Variants in BAZ2B observed in about 807,000 individuals in gnomAD.
BAZ2B encodes bromodomain adjacent to zinc finger domain 2B.
Under a neutral mutation model 246.0 loss-of-function variants are expected in BAZ2B, and 91 were observed. The observed-to-expected ratio is 0.37, with a 90% CI of 0.31 to 0.44. The LOEUF (loss-of-function observed/expected upper bound fraction) is 0.44. Ranked by LOEUF, BAZ2B falls within the 20% of genes least tolerant of loss-of-function variation. BAZ2B has a pLI of 1.00. For synonymous variants in BAZ2B, 855 were observed against 860.0 expected (o/e 0.99, Z 0.10); for missense variants, 2,332 against 2,533.7 (o/e 0.92, Z 1.71).
At chr2:159,407,499 AG>A (rs2066143819) in intron 14 of BAZ2B, among the ~76,000 whole-genome samples, 1 of 152,180 alleles carries the variant, frequency 6.6e-6, no homozygotes, top group Admixed American at 6.5e-5. Flanking sequence ...CTGACTCCAC[AG>A]TCTATATGCC....
chr2:159,422,951 C>T lies in BAZ2B; in HGVS notation c.2466+4990G>A, dbSNP rs113652195. On this transcript the variant is annotated intron_variant, in intron 13 of 36. Coordinates refer to ENST00000392783, the MANE Select transcript of BAZ2B (RefSeq NM_013450.4). ...AACAAATATACACAGAAATGCTCAACACCCTTAATCATTAAAGAAATGCAA... is the reference window on the plus strand; with the variant it reads ...AACAAATATACACAGAAATGCTCAATACCCTTAATCATTAAAGAAATGCAA... Among the ~76,000 whole-genome samples the T allele has an allele frequency of 9.9e-3, 1,513 of 152,216 alleles. 7 individuals carry two copies. Among genetic ancestry groups the T allele is most frequent in the Non-Finnish European group, 0.016 (1,116 of 68,016 alleles).
chr2:159,514,015 C>T (rs2083191823), intron 2 of BAZ2B, among the ~76,000 whole-genome samples: 1 of 152,164 alleles, frequency 6.6e-6, no homozygotes, highest in African/African-American at 2.4e-5. Flanking sequence ...AAGGTATCCA[C>T]ATAGCTAACT....
At chr2:159,472,743 C>T (rs184832568) in intron 3 of BAZ2B, among the ~76,000 whole-genome samples, 24 of 152,096 alleles carry the variant, frequency 1.6e-4, no homozygotes, top group Admixed American at 5.2e-4. Context: ...TTGAAATAAT[C>T]GTGTGGATTT....
chr2:159,473,983 A>T (rs2078168373), intron 3 of BAZ2B, among the ~76,000 whole-genome samples: 1 of 152,142 alleles, frequency 6.6e-6, no homozygotes, highest in Non-Finnish European at 1.5e-5. Context: ...ACTTCCAATT[A>T]TGTGGTCAGC....
intron 6 of BAZ2B, among the ~76,000 whole-genome samples, chr2:159,441,121 C>T (rs945586580): frequency 2.0e-5 from 3 of 152,022 alleles, no homozygotes; most frequent in Non-Finnish European, 4.4e-5. Context: ...AGCAAGACCA[C>T]GAAAATCATA....
chr2:159,611,385 T>C (rs766678133), intron 1 of BAZ2B, among the ~76,000 whole-genome samples: 11 of 151,914 alleles, frequency 7.2e-5, no homozygotes, highest in Non-Finnish European at 8.8e-5. Context: ...TATTGAGTCA[T>C]AGTCAAAGGT....
At chr2:159,504,138 G>T (rs901687691) in intron 2 of BAZ2B, among the ~76,000 whole-genome samples, 3 of 148,630 alleles carry the variant, frequency 2.0e-5, no homozygotes, top group Non-Finnish European at 4.5e-5. Flanking sequence ...TTTTTTTTTT[G>T]TAATACTTCT....
intron 13 of BAZ2B, among the ~76,000 whole-genome samples, chr2:159,417,134 T>A (rs940396181): frequency 6.6e-6 from 1 of 151,818 alleles, no homozygotes; most frequent in African/African-American, 2.4e-5. Flanking sequence ...GAAAAGATGA[T>A]CAACAAGATG....
At position 159,319,985 on chromosome 2, in the gene BAZ2B, A is replaced by G. The variant is rs759272525; in HGVS notation, c.*280T>C. 15 of 229,406 alleles carry G rather than the reference A, an allele frequency of 6.5e-5. No homozygotes were observed. Among genetic ancestry groups the G allele is most frequent in the Non-Finnish European group, 9.2e-5 (11 of 119,588 alleles). 14.2% of individuals were successfully genotyped at this position (229,406 alleles called of 1,614,324 possible). On this transcript the variant is annotated 3_prime_UTR_variant, in exon 37 of 37. Transcript: ENST00000392783. This position sits in a 1 kb window ranked among gnomAD's most constrained non-coding sequence, Gnocchi z 4.0. ...TGCGATTTGATATATTTTAATTGCT[A>G]TTGCACTATAACACCCTTTCCTTTG...
chr2:159,469,361 A>C (rs893337636), intron 3 of BAZ2B, among the ~76,000 whole-genome samples: 1 of 152,178 alleles, frequency 6.6e-6, no homozygotes, highest in Non-Finnish European at 1.5e-5. Flanking sequence ...ATTCCTTGAA[A>C]GACACCAACC....
the BAZ2B span, among the ~76,000 whole-genome samples, chr2:159,665,050 A>C: frequency 6.9e-6 from 1 of 144,814 alleles, no homozygotes; most frequent in Non-Finnish European, 1.5e-5. Flanking sequence ...ATTCTTATAC[A>C]CCAACAACAG....
the BAZ2B span, among the ~76,000 whole-genome samples, chr2:159,668,640 G>GT: frequency 5.3e-5 from 8 of 151,996 alleles, no homozygotes; most frequent in African/African-American, 1.9e-4. Context: ...TCTCTCATCT[G>GT]TTTTTTGGGT....
At chr2:159,560,790 G>A (rs955493117) in intron 1 of BAZ2B, among the ~76,000 whole-genome samples, 1 of 152,004 alleles carries the variant, frequency 6.6e-6, no homozygotes, top group African/African-American at 2.4e-5. Context: ...GCCTCCCAAA[G>A]TGCTGAGATT....
the BAZ2B span, among the ~76,000 whole-genome samples, chr2:159,647,004 C>T: frequency 6.6e-6 from 1 of 152,062 alleles, no homozygotes; most frequent in Non-Finnish European, 1.5e-5. Context: ...TCACCACAAT[C>T]ATTCATTAAA....
At chr2:159,356,776 A>G (rs148415199) in intron 27 of BAZ2B, among the ~76,000 whole-genome samples, 24 of 152,328 alleles carry the variant, frequency 1.6e-4, no homozygotes, top group African/African-American at 5.3e-4. Context: ...GTTCCAGAGG[A>G]AGGAACAGGC....
intron 3 of BAZ2B, chr2:159,463,661 G>A (rs528612936): frequency 5.3e-5 from 8 of 152,102 alleles, no homozygotes; most frequent in African/African-American, 1.9e-4. Context: ...TATATCTGCT[G>A]GCCACTTATA....
intron 3 of BAZ2B, among the ~76,000 whole-genome samples, chr2:159,464,933 A>G (rs1461783214): frequency 1.3e-5 from 2 of 152,210 alleles, no homozygotes; most frequent in African/African-American, 4.8e-5. Flanking sequence ...TGTTCTACTT[A>G]TGTTTCAATA....
At chr2:159,505,885 GCTAA>G (rs916212945) in intron 2 of BAZ2B, among the ~76,000 whole-genome samples, 3 of 152,146 alleles carry the variant, frequency 2.0e-5, no homozygotes, top group Non-Finnish European at 4.4e-5. Flanking sequence ...TGGCTTTACT[GCTAA>G]CTGAGGCTCT....
the BAZ2B span, among the ~76,000 whole-genome samples, chr2:159,667,360 C>G: frequency 2.0e-5 from 3 of 152,044 alleles, no homozygotes; most frequent in South Asian, 6.2e-4. Flanking sequence ...CTTTGGAAGG[C>G]CAAGGCAGGT....
Sources: gnomAD v4.1 joint callset for allele counts (sites outside exome capture counted in the v4.1 genomes callset) on GRCh38, gnomAD v4.1.1 for gene constraint, Gnocchi (gnomAD v3.1) non-coding constraint, MANE v1.5 for transcripts, NCBI Gene and HGNC (gene_info 2026-07-23, HGNC 2026-07-21) for gene names.